XKR4: variants seen among roughly 807,000 people sequenced by gnomAD.
XKR4 encodes the protein XK related 4, also known as XK-related protein 4.
XKR4 carries 12 observed loss-of-function variants against 53.9 expected under a neutral mutation model. That is an observed-to-expected ratio of 0.22 (90% CI 0.14 to 0.36). XKR4 has a LOEUF of 0.36. XKR4 is among the 10% of genes least tolerant of loss of function. The probability of loss-of-function intolerance (pLI) is 1.00; values close to 1 mark genes in which losing one functional copy is unlikely to be tolerated. For missense variants in XKR4, 799 were observed against 859.5 expected, an observed-to-expected ratio of 0.93 and a Z score of 0.88; for synonymous variants, 354 against 362.4, an observed-to-expected ratio of 0.98 and a Z score of 0.26.
chr8:55,249,544 C>T (rs868326047), intron 1 of XKR4, among the ~76,000 whole-genome samples: 1 of 152,288 alleles, frequency 6.6e-6, no homozygotes, highest in South Asian at 2.1e-4. Context: ...TGCTTACATG[C>T]TTTATGGATT....
chr8:55,131,535 A>G (rs1036034222), intron 1 of XKR4, among the ~76,000 whole-genome samples: 2 of 152,152 alleles, frequency 1.3e-5, no homozygotes, highest in African/African-American at 4.8e-5. Context: ...GTCTTTCTAG[A>G]TAAGAGTCCT....
intron 1 of XKR4, among the ~76,000 whole-genome samples, chr8:55,266,971 A>G (rs1818612556): frequency 6.6e-6 from 1 of 152,040 alleles, no homozygotes; most frequent in South Asian, 2.1e-4. Flanking sequence ...TGAATTCACG[A>G]CCTCTCCTCC....
At chr8:55,234,939 C>T (rs1014959356) in intron 1 of XKR4, among the ~76,000 whole-genome samples, 2 of 152,140 alleles carry the variant, frequency 1.3e-5, no homozygotes, top group East Asian at 3.8e-4. Context: ...GTTCAATGGG[C>T]AAGGGCATCA....
intron 1 of XKR4, among the ~76,000 whole-genome samples, chr8:55,174,028 G>T (rs1248430532): frequency 3.3e-5 from 5 of 152,080 alleles, no homozygotes; most frequent in African/African-American, 1.2e-4. Context: ...CAGAGATACT[G>T]CTATTTTGGT....
chr8:55,326,612 A>G (rs1184940844), intron 1 of XKR4, among the ~76,000 whole-genome samples: 2 of 151,302 alleles, frequency 1.3e-5, no homozygotes, highest in African/African-American at 4.9e-5. Flanking sequence ...CTGGGACTAC[A>G]GGCGTGCACC....
chr8:55,150,327 T>G (rs1816824116), intron 1 of XKR4, among the ~76,000 whole-genome samples: 1 of 152,212 alleles, frequency 6.6e-6, no homozygotes, highest in Admixed American at 6.5e-5. Context: ...CACAGCAGAT[T>G]TATTGCAGGC....
Position 55,523,659 on chromosome 8 carries a change from T to G in XKR4, c.1385T>G (p.Phe462Cys), listed in dbSNP as rs1288838096. ...CGCTGCAGGCTATTCATTTACTATT[T>G]TGTGATCCTTTTGGAAAATACAGCC... ...RTRCRLFIYY[F>C]VILLENTALS... The change falls in exon 3 of 3, where the codon TTT (phenylalanine) becomes TGT (cysteine). Residue 462 changes from phenylalanine (F) to cysteine (C), a missense_variant. Transcript: ENST00000327381. 1 of 1,614,230 alleles carries G rather than the reference T, an allele frequency of 6.2e-7. No individual in the cohort carries two copies. The highest frequency in any genetic ancestry group is 8.5e-7 in the Non-Finnish European group (1 of 1,180,036).
rs1255586634 is a variant in XKR4 at position 55,455,042 on chromosome 8, T to C, written c.1007-68239T>C. Reference sequence around the variant, plus strand: ...GAATGGGTTGGCCTCCCAGTCCTTCTCCGGGAAGAACTGCAGAATCTGGCC... The same window carrying C: ...GAATGGGTTGGCCTCCCAGTCCTTCCCCGGGAAGAACTGCAGAATCTGGCC... On this transcript the variant is annotated intron_variant, in intron 2 of 2. Transcript: ENST00000327381. The C allele has an allele frequency of 8.1e-6, 6 of 736,682 alleles. No homozygotes were observed. The African/African-American group carries it at 1.0e-4, about 13-fold the overall frequency. 45.6% of individuals were successfully genotyped at this position (736,682 alleles called of 1,614,324 possible).
chr8:55,327,657 T>C (rs1803313948), intron 1 of XKR4, among the ~76,000 whole-genome samples: 1 of 152,232 alleles, frequency 6.6e-6, no homozygotes, highest in Non-Finnish European at 1.5e-5. Context: ...ATTTGTGTCT[T>C]TTAATACATA....
chr8:55,175,894 A>G (rs1257042814), intron 1 of XKR4, among the ~76,000 whole-genome samples: 2 of 152,174 alleles, frequency 1.3e-5, no homozygotes, highest in Non-Finnish European at 2.9e-5. Flanking sequence ...GATGTTTGGG[A>G]TGTAAGACCC....
intron 2 of XKR4, among the ~76,000 whole-genome samples, chr8:55,417,128 T>C (rs937315010): frequency 2.2e-4 from 33 of 152,198 alleles, no homozygotes; most frequent in Admixed American, 1.7e-3. Flanking sequence ...CTGAGAACCA[T>C]TGTCGTCGTG....
intron 2 of XKR4, among the ~76,000 whole-genome samples, chr8:55,423,867 T>C (rs769432017): frequency 5.9e-5 from 9 of 152,228 alleles, no homozygotes; most frequent in East Asian, 1.9e-4. Flanking sequence ...TTCTGTCTCA[T>C]GAGATCAGCA....
rs368709237 is a variant in XKR4 at position 55,288,173 on chromosome 8, G to A, written c.807-69505G>A. Among the ~76,000 whole-genome samples, 108 of 152,262 alleles carry A rather than the reference G, an allele frequency of 7.1e-4. No homozygotes were observed. In the Middle Eastern group the frequency reaches 0.01, roughly 14 times the overall value. ...GGATACCCCTAGAGTATGGGGAAGCGTATCAGTTTTCAGAGGCAATGTGTC... is the reference window on the plus strand; with the variant it reads ...GGATACCCCTAGAGTATGGGGAAGCATATCAGTTTTCAGAGGCAATGTGTC... On this transcript the variant is annotated intron_variant, in intron 1 of 2. Coordinates refer to ENST00000327381, the MANE Select transcript of XKR4 (RefSeq NM_052898.2).
chr8:55,269,051 A>G (rs1818651443), intron 1 of XKR4, among the ~76,000 whole-genome samples: 1 of 152,264 alleles, frequency 6.6e-6, no homozygotes, highest in African/African-American at 2.4e-5. Flanking sequence ...TAACTTGGTG[A>G]TTTGGGGGCT....
chr8:55,122,092 A>T (rs77861398), intron 1 of XKR4, among the ~76,000 whole-genome samples: 2,479 of 152,338 alleles, frequency 0.016, 28 homozygotes, highest in African/African-American at 0.033. Context: ...TATTTTTATA[A>T]TTTTTAAAAG....
At chr8:55,365,707 CAAAAA>C (rs397932881) in intron 2 of XKR4, among the ~76,000 whole-genome samples, 2 of 76,156 alleles carry the variant, frequency 2.6e-5, no homozygotes, top group Non-Finnish European at 5.3e-5. Context: ...AACTTCGTCT[CAAAAA>C]AAAAAAAAAA....
intron 1 of XKR4, among the ~76,000 whole-genome samples, chr8:55,191,137 G>C (rs900861686): frequency 6.6e-6 from 1 of 152,070 alleles, no homozygotes; most frequent in Admixed American, 6.6e-5. Flanking sequence ...GACTTCTGAG[G>C]GATCCTTCTC....
At chr8:55,407,330 G>T (rs76756479) in intron 2 of XKR4, among the ~76,000 whole-genome samples, 1 of 152,200 alleles carries the variant, frequency 6.6e-6, no homozygotes, top group Non-Finnish European at 1.5e-5. Context: ...AGGAATCACC[G>T]CCCCATGGAG....
At chr8:55,453,491 TC>T in intron 2 of XKR4, 1 of 393,738 alleles carries the variant, frequency 2.5e-6, no homozygotes. Context: ...GCCCACGACC[TC>T]CAGCTGCCCT....
Sources: gnomAD v4.1 joint callset for allele counts (sites outside exome capture counted in the v4.1 genomes callset) on GRCh38, gnomAD v4.1.1 for gene constraint, MANE v1.5 for transcripts, NCBI Gene and HGNC (gene_info 2026-07-23, HGNC 2026-07-21) for gene names.